The following LRRC4C variants were observed in gnomAD, a reference collection of about 807,000 sequenced individuals.
The protein encoded by LRRC4C is leucine rich repeat containing 4C.
LRRC4C carries 5 observed loss-of-function variants against 33.6 expected under a neutral mutation model. The ratio of observed to expected loss-of-function variants is 0.15; its 90% CI spans 0.08 to 0.31. The LOEUF (loss-of-function observed/expected upper bound fraction) is 0.31. Among genes scored for constraint, LRRC4C ranks in the 10% least tolerant of loss-of-function variants. The pLI, the probability that LRRC4C is intolerant of heterozygous loss-of-function variation, is 1.00. For synonymous variants in LRRC4C, 329 were observed against 302.0 expected (o/e 1.09, Z -0.93); for missense variants, 560 against 796.7 (o/e 0.70, Z 3.58).
chr11:40,228,777 A>C (rs551581512), intron 5 of LRRC4C, among the ~76,000 whole-genome samples: 2 of 152,300 alleles, frequency 1.3e-5, no homozygotes, highest in East Asian at 3.9e-4. Flanking sequence ...TCATTTGGTA[A>C]ATATGATAAC....
At chr11:40,370,170 GA>G (rs1462193428) in intron 3 of LRRC4C, among the ~76,000 whole-genome samples, 5 of 152,114 alleles carry the variant, frequency 3.3e-5, no homozygotes, top group Admixed American at 6.6e-5. Context: ...GGGACCCACT[GA>G]ATTCAACACC....
chr11:40,514,786 C>G (rs753137729), intron 3 of LRRC4C, among the ~76,000 whole-genome samples: 4 of 151,944 alleles, frequency 2.6e-5, no homozygotes, highest in Non-Finnish European at 5.9e-5. Context: ...TAATAAAAAC[C>G]AATACAATCA....
chr11:40,223,352 C>T (rs1011241820), intron 5 of LRRC4C, among the ~76,000 whole-genome samples: 1 of 152,092 alleles, frequency 6.6e-6, no homozygotes, highest in Non-Finnish European at 1.5e-5. Flanking sequence ...AGCAAGAGAT[C>T]ATGAGGGCTA....
rs558368001 is a variant in LRRC4C, at chr11:41,160,999, T to C, written c.-495-227276A>G. On this transcript the variant is annotated intron_variant, in intron 1 of 6. Coordinates refer to ENST00000528697, the MANE Select transcript of LRRC4C (RefSeq NM_001258419.2). ...AATGGGAACAATTGACGATTTACTTTAGACATGATGTTCTTATGTGCTGTA... is the reference window on the plus strand; with the variant it reads ...AATGGGAACAATTGACGATTTACTTCAGACATGATGTTCTTATGTGCTGTA... 2.6e-5 allele frequency among the ~76,000 whole-genome samples: 4 copies of C among 152,310 alleles called. No individual in the cohort carries two copies. The South Asian group carries it at 6.2e-4, about 24-fold the overall frequency.
intron 1 of LRRC4C, among the ~76,000 whole-genome samples, chr11:41,367,013 C>T (rs748813010): frequency 3.9e-5 from 6 of 152,166 alleles, no homozygotes; most frequent in African/African-American, 9.6e-5. Context: ...TTGCAAGAGC[C>T]GGAAGCAGAA....
chr11:40,631,593 C>T (rs1963483704), intron 3 of LRRC4C, among the ~76,000 whole-genome samples: 1 of 152,068 alleles, frequency 6.6e-6, no homozygotes, highest in African/African-American at 2.4e-5. Flanking sequence ...GTTTGTGGAC[C>T]ATCTTACTTC....
In LRRC4C at chr11:40,515,922, C is replaced by A. The variant is rs112264293; in HGVS notation, c.-270+132220G>T. 6.7e-3 allele frequency among the ~76,000 whole-genome samples: 1,011 copies of A among 152,010 alleles called. 17 individuals are homozygous for A. The highest frequency in any genetic ancestry group is 0.023 in the African/African-American group (969 of 41,490). On this transcript the variant is annotated intron_variant, in intron 3 of 6. Coordinates refer to ENST00000528697, the MANE Select transcript of LRRC4C (RefSeq NM_001258419.2). Reference sequence around the variant, plus strand: ...CTTTGTTCATGTGATTGATTAAAATCCCTTTTATTTTATGATAGTGCATAT... The same window carrying A: ...CTTTGTTCATGTGATTGATTAAAATACCTTTTATTTTATGATAGTGCATAT...
At chr11:40,249,694 T>A (rs962820019) in intron 4 of LRRC4C, among the ~76,000 whole-genome samples, 15 of 151,968 alleles carry the variant, frequency 9.9e-5, no homozygotes, top group African/African-American at 3.6e-4. Context: ...TTTTCTGATA[T>A]CTCTGAATAC....
intron 1 of LRRC4C, among the ~76,000 whole-genome samples, chr11:41,068,696 C>T (rs1447944539): frequency 1.3e-5 from 2 of 152,008 alleles, no homozygotes; most frequent in Non-Finnish European, 2.9e-5. Flanking sequence ...ATACTTATTC[C>T]CAGGAATAAG....
At chr11:40,704,510 C>A (rs1946044657) in intron 2 of LRRC4C, among the ~76,000 whole-genome samples, 1 of 152,038 alleles carries the variant, frequency 6.6e-6, no homozygotes, top group Admixed American at 6.6e-5. Context: ...AGGTTTTAGT[C>A]CAATACATTA....
chr11:41,017,091 C>T (rs772962167), intron 1 of LRRC4C, among the ~76,000 whole-genome samples: 17 of 151,970 alleles, frequency 1.1e-4, no homozygotes, highest in Non-Finnish European at 1.8e-4. Context: ...TCACTCTGTC[C>T]GATACTAAGG....
At chr11:40,432,634 C>T (rs879733538) in intron 3 of LRRC4C, among the ~76,000 whole-genome samples, 1 of 152,176 alleles carries the variant, frequency 6.6e-6, no homozygotes, top group African/African-American at 2.4e-5. Context: ...TTGGTCTTCT[C>T]TACATGAATG....
At chr11:41,140,897 A>G (rs1943473456) in intron 1 of LRRC4C, among the ~76,000 whole-genome samples, 1 of 152,204 alleles carries the variant, frequency 6.6e-6, no homozygotes. Flanking sequence ...TTAAATAAGC[A>G]GGAAGATGGA....
chr11:40,124,364 T>C (rs1164740622), intron 6 of LRRC4C, among the ~76,000 whole-genome samples: 1 of 152,232 alleles, frequency 6.6e-6, no homozygotes, highest in East Asian at 1.9e-4. Context: ...CCCATGTTTA[T>C]TGCAGCACTA....
intron 3 of LRRC4C, among the ~76,000 whole-genome samples, chr11:40,621,435 G>GT (rs1179089527): frequency 6.6e-6 from 1 of 151,662 alleles, no homozygotes; most frequent in Non-Finnish European, 1.5e-5. Flanking sequence ...GGCATCTGCT[G>GT]TTTATTCAGT....
intron 3 of LRRC4C, among the ~76,000 whole-genome samples, chr11:40,321,566 T>C (rs1045946770): frequency 6.6e-6 from 1 of 152,174 alleles, no homozygotes; most frequent in Non-Finnish European, 1.5e-5. Context: ...CAGAAAGAGA[T>C]AAATGGCAGA....
intron 3 of LRRC4C, among the ~76,000 whole-genome samples, chr11:40,611,213 C>T (rs1961183061): frequency 6.6e-6 from 1 of 151,626 alleles, no homozygotes; most frequent in Non-Finnish European, 1.5e-5. Context: ...TCCTGAGAAA[C>T]CCATGCATAT....
At chr11:40,219,014 A>G (rs898630974) in intron 5 of LRRC4C, among the ~76,000 whole-genome samples, 1 of 152,192 alleles carries the variant, frequency 6.6e-6, no homozygotes, top group South Asian at 2.1e-4. Flanking sequence ...TCTCTTCAAG[A>G]TGCATTTTTT....
chr11:40,961,061 C>A (rs117189749), intron 1 of LRRC4C, among the ~76,000 whole-genome samples: 675 of 151,774 alleles, frequency 4.4e-3, no homozygotes, highest in Non-Finnish European at 6.9e-3. Context: ...ATTAAACCTG[C>A]CTTTTCACAA....
Sources: allele counts gnomAD v4.1 joint callset (sites outside exome capture counted in the v4.1 genomes callset), GRCh38; gene constraint gnomAD v4.1.1; transcripts MANE v1.5; gene names NCBI Gene and HGNC (gene_info 2026-07-23, HGNC 2026-07-21).